The following NBAS variants were observed in gnomAD, a reference collection of about 807,000 sequenced individuals.
NBAS encodes NAG/BC035112 fusion.
Under a neutral mutation model 302.5 loss-of-function variants are expected in NBAS, and 219 were observed. That is an observed-to-expected ratio of 0.72 (90% confidence interval 0.65 to 0.81). NBAS has a LOEUF of 0.81. NBAS is among the 30% of genes least tolerant of loss of function. NBAS has a pLI of 0.00. For synonymous variants in NBAS, 1,118 were observed against 1,021.6 expected, an observed-to-expected ratio of 1.09 and a Z score of -1.80; for missense variants, 2,932 against 2,841.6, an observed-to-expected ratio of 1.03 and a Z score of -0.72.
the NBAS span, among the ~76,000 whole-genome samples, chr2:15,103,554 T>C: frequency 6.6e-6 from 1 of 152,186 alleles, no homozygotes. Flanking sequence ...TACTATATTG[T>C]AAGTTTTTTG....
chr2:15,047,139 C>A, the NBAS span, among the ~76,000 whole-genome samples: 1 of 152,222 alleles, frequency 6.6e-6, no homozygotes, highest in Non-Finnish European at 1.5e-5. Context: ...TGATGAGGGT[C>A]CTGCCTAACC....
intron 35 of NBAS, among the ~76,000 whole-genome samples, chr2:15,347,446 T>A (rs544467062): frequency 5.9e-5 from 9 of 152,354 alleles, no homozygotes; most frequent in African/African-American, 1.9e-4. Flanking sequence ...GCCAAGATAC[T>A]GTAATATAAC....
chr2:15,402,861 T>C (rs545093583), intron 25 of NBAS, among the ~76,000 whole-genome samples: 4 of 152,284 alleles, frequency 2.6e-5, no homozygotes, highest in African/African-American at 9.6e-5. Context: ...ACTTTCTGTA[T>C]AGAACAAAGC....
At chr2:15,385,105 T>C (rs1675224519) in intron 28 of NBAS, among the ~76,000 whole-genome samples, 1 of 152,246 alleles carries the variant, frequency 6.6e-6, no homozygotes, top group Non-Finnish European at 1.5e-5. Context: ...CACATGCAAT[T>C]AGGCATAAGA....
the NBAS span, among the ~76,000 whole-genome samples, chr2:15,122,597 T>A: frequency 1.3e-5 from 2 of 151,694 alleles, no homozygotes; most frequent in Non-Finnish European, 2.9e-5. Flanking sequence ...CCAAACCATA[T>A]CAAGGAGAAA....
the NBAS span, among the ~76,000 whole-genome samples, chr2:15,007,345 A>T: frequency 5.3e-5 from 8 of 152,162 alleles, no homozygotes; most frequent in Admixed American, 3.3e-4. Flanking sequence ...GTAGGAAGCC[A>T]ATTCTATCAA....
chr2:14,919,419 G>A, the NBAS span, among the ~76,000 whole-genome samples: 3 of 152,170 alleles, frequency 2.0e-5, no homozygotes, highest in Non-Finnish European at 2.9e-5. Flanking sequence ...GAAGTTGATG[G>A]CTGCTGATCA....
chr2:15,454,509 T>A (rs779191859), intron 21 of NBAS, among the ~76,000 whole-genome samples: 1 of 152,216 alleles, frequency 6.6e-6, no homozygotes, highest in Non-Finnish European at 1.5e-5. Flanking sequence ...AATGAATGGA[T>A]GTATTAGGAA....
At chr2:14,984,239 G>C in the NBAS span, among the ~76,000 whole-genome samples, 2 of 151,978 alleles carry the variant, frequency 1.3e-5, no homozygotes, top group African/African-American at 4.8e-5. Context: ...TCCACGCCCT[G>C]ACTTTAGTCT....
the NBAS span, among the ~76,000 whole-genome samples, chr2:14,936,678 A>T: frequency 6.6e-6 from 1 of 152,212 alleles, no homozygotes; most frequent in Admixed American, 6.5e-5. Context: ...TGTCAAGGGC[A>T]TCTGGGGAGA....
chr2:15,162,265 A>C (rs904465496), downstream of NBAS, among the ~76,000 whole-genome samples: 6 of 152,164 alleles, frequency 3.9e-5, no homozygotes, highest in African/African-American at 1.4e-4. Flanking sequence ...CCCATGGCCG[A>C]GTAGAAATTC....
At chr2:15,224,197 G>A (rs1319356255) in intron 47 of NBAS, among the ~76,000 whole-genome samples, 2 of 152,110 alleles carry the variant, frequency 1.3e-5, no homozygotes, top group Non-Finnish European at 2.9e-5. Flanking sequence ...AATGTAGCAT[G>A]GAAGACATTC....
chr2:15,486,639 T>A (rs1346825811), intron 12 of NBAS, among the ~76,000 whole-genome samples: 1 of 152,196 alleles, frequency 6.6e-6, no homozygotes, highest in African/African-American at 2.4e-5. Flanking sequence ...GGTCCCCCCC[T>A]TTCCCTTTCC....
intron 44 of NBAS, among the ~76,000 whole-genome samples, chr2:15,255,124 C>A (rs762220109): frequency 1.3e-5 from 2 of 152,112 alleles, no homozygotes; most frequent in Admixed American, 1.3e-4. Context: ...TATTTTAGTT[C>A]TTTAAGGAAT....
intron 28 of NBAS, among the ~76,000 whole-genome samples, chr2:15,389,921 A>G (rs1292130928): frequency 6.6e-6 from 1 of 152,208 alleles, no homozygotes; most frequent in African/African-American, 2.4e-5. Context: ...ATCTAAGCAG[A>G]GACTTCTGGA....
intron 50 of NBAS, among the ~76,000 whole-genome samples, chr2:15,183,360 G>A (rs1270161452): frequency 1.7e-4 from 26 of 152,170 alleles, no homozygotes; most frequent in Admixed American, 1.4e-3. Context: ...ACGATGGAAA[G>A]TCACGGTGAC....
At chr2:15,394,464 G>T in intron 27 of NBAS, 115 bp from the exon 28 acceptor site, 1 of 1,071,042 alleles carries the variant, frequency 9.3e-7, no homozygotes, top group Non-Finnish European at 1.4e-6. Flanking sequence ...TTATCCCATA[G>T]TGTAATCCAA....
chr2:15,061,225 C>T, the NBAS span, among the ~76,000 whole-genome samples: 9 of 152,098 alleles, frequency 5.9e-5, no homozygotes, highest in East Asian at 1.9e-4. Context: ...CACATACATT[C>T]GGATGTAACT....
intron 2 of NBAS, among the ~76,000 whole-genome samples, chr2:15,557,467 T>C (rs148695610): frequency 3.3e-5 from 5 of 152,248 alleles, no homozygotes; most frequent in South Asian, 2.1e-4. Context: ...TTATTATTTG[T>C]ACACATTTTC....
Sources: allele counts gnomAD v4.1 joint callset (sites outside exome capture counted in the v4.1 genomes callset), GRCh38; gene constraint gnomAD v4.1.1; transcripts MANE v1.5; gene names NCBI Gene and HGNC (gene_info 2026-07-23, HGNC 2026-07-21).